Variants in RAPGEF4 observed in about 807,000 individuals in gnomAD.
The protein encoded by RAPGEF4 is Rap guanine nucleotide exchange factor 4, also known as RAP guanine-nucleotide-exchange factor (GEF) 4.
RAPGEF4 carries 66 observed loss-of-function variants against 147.9 expected under a neutral mutation model. The observed-to-expected ratio is 0.45, with a 90% confidence interval of 0.37 to 0.55. The LOEUF is 0.55. Ranked by LOEUF, RAPGEF4 falls within the 20% of genes least tolerant of loss-of-function variation. The pLI, the probability that RAPGEF4 is intolerant of heterozygous loss-of-function variation, is 0.00. For missense variants in RAPGEF4, 1,071 were observed against 1,257.3 expected, an observed-to-expected ratio of 0.85 and a Z score of 2.24; for synonymous variants, 419 against 442.7, an observed-to-expected ratio of 0.95 and a Z score of 0.67.
intron 1 of RAPGEF4, among the ~76,000 whole-genome samples, chr2:172,763,282 G>A (rs533465377): frequency 6.6e-6 from 1 of 152,244 alleles, no homozygotes; most frequent in Admixed American, 6.5e-5. Flanking sequence ...TTTTTATAAA[G>A]CCTTTGTGTG....
At position 172,930,392 on chromosome 2, in the gene RAPGEF4, A is replaced by G. The variant is rs115861667; in HGVS notation, c.537+8092A>G. Among the ~76,000 whole-genome samples the G allele has an allele frequency of 2.5e-3, 386 of 152,216 alleles. 3 individuals carry two copies. Among genetic ancestry groups the G allele is most frequent in the African/African-American group, 8.9e-3 (369 of 41,530 alleles). ...TGAGTTTCCCCCTATTTTACTTCTC[A>G]AAATCATGCCTTCTTTTTTAAAATA... On this transcript the variant is annotated intron_variant, in intron 6 of 30. Transcript: ENST00000397081.
At chr2:172,797,669 C>T (rs1292826220) in intron 3 of RAPGEF4, 56 bp downstream of exon 3, 1 of 1,315,856 alleles carries the variant, frequency 7.6e-7, no homozygotes. Context: ...GACTTATTAT[C>T]CCTATGTCTT....
intron 4 of RAPGEF4, among the ~76,000 whole-genome samples, chr2:172,912,952 G>A (rs980694182): frequency 7.0e-6 from 1 of 143,666 alleles, no homozygotes; most frequent in African/African-American, 2.6e-5. Context: ...ATGGAGTGCA[G>A]TGGCACAATC....
intron 18 of RAPGEF4, among the ~76,000 whole-genome samples, chr2:173,015,423 C>T (rs1300852403): frequency 6.6e-6 from 1 of 152,198 alleles, no homozygotes; most frequent in Admixed American, 6.5e-5. Flanking sequence ...CTTTTTCAGT[C>T]TGTGTTCTAA....
chr2:173,024,151 A>G (rs1439908293), intron 23 of RAPGEF4, among the ~76,000 whole-genome samples: 1 of 152,072 alleles, frequency 6.6e-6, no homozygotes, highest in Non-Finnish European at 1.5e-5. Flanking sequence ...TCGCTCCTAC[A>G]TCCAGGTGTT....
intron 10 of RAPGEF4, 104 bp downstream of exon 10, chr2:172,967,548 C>G: frequency 8.1e-7 from 1 of 1,228,538 alleles, no homozygotes; most frequent in South Asian, 1.7e-5. Flanking sequence ...CCCTGGCCAT[C>G]CCCCATGGAA....
chr2:172,959,509 C>G (rs1011792300), intron 6 of RAPGEF4, among the ~76,000 whole-genome samples: 6 of 151,908 alleles, frequency 3.9e-5, no homozygotes, highest in Non-Finnish European at 7.4e-5. Flanking sequence ...GGGATGAGGA[C>G]ATAAACTTTT....
chr2:172,795,259 A>G (rs527575094), intron 2 of RAPGEF4, 92 bp downstream of exon 2: 185 of 1,313,590 alleles, frequency 1.4e-4, no homozygotes, highest in South Asian at 9.4e-4. Flanking sequence ...TGGAGTATTT[A>G]TGTGCTAAAT....
At chr2:172,744,699 G>T (rs1054839311) in intron 1 of RAPGEF4, among the ~76,000 whole-genome samples, 4 of 151,964 alleles carry the variant, frequency 2.6e-5, no homozygotes, top group African/African-American at 7.3e-5. Flanking sequence ...TATTGCATTT[G>T]CCAGGAATGC....
intron 12 of RAPGEF4, among the ~76,000 whole-genome samples, chr2:172,987,523 A>T (rs1692391827): frequency 6.6e-6 from 1 of 152,222 alleles, no homozygotes; most frequent in East Asian, 1.9e-4. Context: ...TCCAAAAAAA[A>T]GAAAGTGGAT....
chr2:172,825,747 C>T (rs1689601988), intron 4 of RAPGEF4, among the ~76,000 whole-genome samples: 1 of 151,956 alleles, frequency 6.6e-6, no homozygotes, highest in African/African-American at 2.4e-5. Flanking sequence ...CCACCATAAA[C>T]CTGGCTATAT....
chr2:172,826,130 G>A (rs1689643111), intron 4 of RAPGEF4, among the ~76,000 whole-genome samples: 1 of 152,208 alleles, frequency 6.6e-6, no homozygotes, highest in Non-Finnish European at 1.5e-5. Flanking sequence ...GACTGTGGAA[G>A]GCTCTGGTCC....
intron 10 of RAPGEF4, among the ~76,000 whole-genome samples, chr2:172,976,648 G>A (rs1691106140): frequency 6.6e-6 from 1 of 152,178 alleles, no homozygotes; most frequent in Admixed American, 6.5e-5. Context: ...ACCAAGGTCT[G>A]CTAGGTGACA....
chr2:173,038,395 A>T lies in RAPGEF4; in HGVS notation c.2853+1703A>T, dbSNP rs139862915. Among the ~76,000 whole-genome samples, 753 of 152,362 alleles carry T rather than the reference A, an allele frequency of 4.9e-3. 6 individuals are homozygous for T. Among genetic ancestry groups the T allele is most frequent in the African/African-American group, 0.016 (686 of 41,586 alleles). ...AGCCACCCATTTAATTATAAAATAT[A>T]CATGTGCACAGAGATGTAGAAGTCA... is the stretch of plus-strand genomic sequence containing the variant. On this transcript the variant is annotated intron_variant, in intron 29 of 30. Coordinates refer to ENST00000397081, the MANE Select transcript of RAPGEF4 (RefSeq NM_007023.4).
At chr2:172,847,984 A>G (rs561290345) in intron 4 of RAPGEF4, among the ~76,000 whole-genome samples, 3 of 152,216 alleles carry the variant, frequency 2.0e-5, no homozygotes, top group African/African-American at 7.2e-5. Context: ...AGGGATCTCC[A>G]CATCTCCCAA....
chr2:172,843,739 G>C (rs1418884131), intron 4 of RAPGEF4, among the ~76,000 whole-genome samples: 1 of 116 alleles, frequency 8.6e-3, no homozygotes, highest in Non-Finnish European at 0.019. Flanking sequence ...ATTTGATTTT[G>C]AGATCTAGAT....
chr2:172,744,582 T>C (rs1349326716), intron 1 of RAPGEF4, among the ~76,000 whole-genome samples: 1 of 152,252 alleles, frequency 6.6e-6, no homozygotes, highest in Non-Finnish European at 1.5e-5. Flanking sequence ...GTAGTTACTT[T>C]ATAGATTCAT....
chr2:172,780,271 A>T (rs1684559810), intron 1 of RAPGEF4, among the ~76,000 whole-genome samples: 1 of 152,234 alleles, frequency 6.6e-6, no homozygotes, highest in African/African-American at 2.4e-5. Flanking sequence ...CAGGCTCACT[A>T]TAGCATCTTT....
chr2:173,022,867 A>C (rs1696246191), intron 23 of RAPGEF4, among the ~76,000 whole-genome samples: 1 of 152,248 alleles, frequency 6.6e-6, no homozygotes, highest in Non-Finnish European at 1.5e-5. Context: ...TATAAATATC[A>C]GTACAGAGCA....
Sources: gnomAD v4.1 joint callset for allele counts (sites outside exome capture counted in the v4.1 genomes callset) on GRCh38, gnomAD v4.1.1 for gene constraint, MANE v1.5 for transcripts, NCBI Gene and HGNC (gene_info 2026-07-23, HGNC 2026-07-21) for gene names.